FBLN1: variants seen among roughly 807,000 people sequenced by gnomAD.
The protein encoded by FBLN1 is fibulin-1.
Under a neutral mutation model 89.7 loss-of-function variants are expected in FBLN1, and 34 were observed. That is an observed-to-expected ratio of 0.38 (90% CI 0.29 to 0.50). The LOEUF (loss-of-function observed/expected upper bound fraction) is 0.50, where lower values mean the gene tolerates loss of function less well. FBLN1 is among the 20% of genes least tolerant of loss of function. The pLI is 0.92. For synonymous variants in FBLN1, 393 were observed against 391.3 expected, an observed-to-expected ratio of 1.00 and a Z score of -0.05; for missense variants, 777 against 988.1, an observed-to-expected ratio of 0.79 and a Z score of 2.86.
chr22:45,514,754 C>G (rs1427551718), intron 1 of FBLN1, among the ~76,000 whole-genome samples: 9 of 152,112 alleles, frequency 5.9e-5, no homozygotes. Context: ...TGGGCAGGTG[C>G]GACATGGACA....
At chr22:45,582,647 C>G (rs908009028) in intron 16 of FBLN1, among the ~76,000 whole-genome samples, 1 of 152,162 alleles carries the variant, frequency 6.6e-6, no homozygotes, top group African/African-American at 2.4e-5. Context: ...TAGGGAGGAT[C>G]TTTCTAGGCT....
At chr22:45,535,933 A>C (rs2088477771) in intron 8 of FBLN1, among the ~76,000 whole-genome samples, 1 of 152,226 alleles carries the variant, frequency 6.6e-6, no homozygotes, top group African/African-American at 2.4e-5. Context: ...CTGTAATCCT[A>C]GCACTTTGGG....
At chr22:45,569,993 A>G (rs182239074) in intron 14 of FBLN1, among the ~76,000 whole-genome samples, 1 of 152,336 alleles carries the variant, frequency 6.6e-6, no homozygotes, top group East Asian at 1.9e-4. Flanking sequence ...CTAATATTCT[A>G]TCTTGAAAGA....
At chr22:45,514,292 TAC>T (rs1180360344) in intron 1 of FBLN1, among the ~76,000 whole-genome samples, 2 of 152,202 alleles carry the variant, frequency 1.3e-5, no homozygotes, top group East Asian at 3.8e-4. Context: ...TTGTGTGGGC[TAC>T]ACACATCTTT....
At chr22:45,506,118 G>T (rs895010969) in intron 1 of FBLN1, among the ~76,000 whole-genome samples, 11 of 152,328 alleles carry the variant, frequency 7.2e-5, no homozygotes, top group African/African-American at 2.6e-4. Context: ...CCCTTCTCTA[G>T]GAAGTGTTGG....
At chr22:45,584,633 G>A (rs2089069338) in intron 16 of FBLN1, among the ~76,000 whole-genome samples, 1 of 152,196 alleles carries the variant, frequency 6.6e-6, no homozygotes. Flanking sequence ...ACTGAGGTGT[G>A]TGCCTGTTTT....
At position 45,574,041 on chromosome 22, in the gene FBLN1, G is replaced by T. The variant is rs116560530; in HGVS notation, c.1698-470G>T. On this transcript the variant is annotated intron_variant, in intron 14 of 16. Transcript: ENST00000327858. The surrounding 1 kb of genome is among the most constrained non-coding windows in gnomAD (Gnocchi z 4.1). ...CTGCCCTGTGCTGGGCACCGAGCTTGGCGCTTTCTATCTGCTCCTTCGTTT... is the reference window on the plus strand; with the variant it reads ...CTGCCCTGTGCTGGGCACCGAGCTTTGCGCTTTCTATCTGCTCCTTCGTTT... Among the ~76,000 whole-genome samples the T allele has an allele frequency of 4.5e-3, 692 of 152,266 alleles. 5 individuals are homozygous for T. Among genetic ancestry groups the T allele is most frequent in the African/African-American group, 0.016 (657 of 41,544 alleles).
chr22:45,524,970 G>T (rs754328940), intron 2 of FBLN1, among the ~76,000 whole-genome samples: 1 of 152,122 alleles, frequency 6.6e-6, no homozygotes, highest in Non-Finnish European at 1.5e-5. Flanking sequence ...TGTAGTCCCA[G>T]CTACTGGGGA....
chr22:45,564,265 T>C (rs1298592340), intron 14 of FBLN1, among the ~76,000 whole-genome samples: 1 of 152,216 alleles, frequency 6.6e-6, no homozygotes, highest in Non-Finnish European at 1.5e-5. Flanking sequence ...GCTCCCAGCG[T>C]CCATTCACCT....
chr22:45,510,494 G>A lies in FBLN1; in HGVS notation c.79+7430G>A, dbSNP rs534973580. ...ATCAGAAGCAGACTCCAGGCCTCCC[G>A]GTTCCCAGCCCCCAGTCTCCCCTCT... On this transcript the variant is annotated intron_variant, in intron 1 of 16. Transcript: ENST00000327858. Among the ~76,000 whole-genome samples, 548 of 152,114 alleles carry A rather than the reference G, an allele frequency of 3.6e-3. 1 individual carries two copies. The highest frequency in any genetic ancestry group is 5.9e-3 in the Non-Finnish European group (403 of 67,998).
chr22:45,543,284 A>T, intron 10 of FBLN1, 117 bp from the exon 11 acceptor site: 3 of 1,310,314 alleles, frequency 2.3e-6, no homozygotes, highest in Admixed American at 1.9e-5. Flanking sequence ...AGGAAAAAAA[A>T]GAAATGAGGC....
chr22:45,598,030 G>T (rs1052224040), intron 16 of FBLN1, among the ~76,000 whole-genome samples: 2 of 152,200 alleles, frequency 1.3e-5, no homozygotes, highest in African/African-American at 4.8e-5. Flanking sequence ...GCACCAAGAG[G>T]TGGAGATAGG....
At chr22:45,548,784 T>A in intron 13 of FBLN1, 40 bp downstream of exon 13, 1 of 1,609,472 alleles carries the variant, frequency 6.2e-7, no homozygotes, top group Non-Finnish European at 8.5e-7. Context: ...CACGCTCTGC[T>A]TGGGGCCCTG....
chr22:45,503,209 G>A, intron 1 of FBLN1, 145 bp downstream of exon 1: 1 of 248,700 alleles, frequency 4.0e-6, no homozygotes, highest in Non-Finnish European at 6.7e-6. Context: ...CGAGGCCTCG[G>A]CGACGCCCCC....
intron 1 of FBLN1, among the ~76,000 whole-genome samples, chr22:45,515,665 T>C (rs1336663334): frequency 6.6e-6 from 1 of 152,186 alleles, no homozygotes; most frequent in Non-Finnish European, 1.5e-5. Context: ...CCATTTCTTA[T>C]GAGCAGCGAT....
At chr22:45,593,026 GA>G (rs2089152443) in intron 16 of FBLN1, among the ~76,000 whole-genome samples, 1 of 152,148 alleles carries the variant, frequency 6.6e-6, no homozygotes, top group South Asian at 2.1e-4. Flanking sequence ...CTGCACTTTA[GA>G]AGGGAAGATG....
chr22:45,534,838 T>C (rs1392852271), intron 7 of FBLN1, among the ~76,000 whole-genome samples: 1 of 152,242 alleles, frequency 6.6e-6, no homozygotes, highest in Non-Finnish European at 1.5e-5. Context: ...TGGATATGTT[T>C]ATAGAGACTG....
At chr22:45,558,983 A>C (rs2088821529) in intron 14 of FBLN1, among the ~76,000 whole-genome samples, 1 of 152,258 alleles carries the variant, frequency 6.6e-6, no homozygotes, top group Admixed American at 6.5e-5. Flanking sequence ...TATCTTGCAG[A>C]AGCGAAATGC....
At position 45,557,543 on chromosome 22, in the gene FBLN1, G is replaced by A. The variant is rs1456624189; in HGVS notation, c.1697+6928G>A. ...GAGCCCATGTGTAACCTCCATCCCTGCCACCATGGCCACTTTGTTCATGGG... is the reference window on the plus strand; with the variant it reads ...GAGCCCATGTGTAACCTCCATCCCTACCACCATGGCCACTTTGTTCATGGG... On this transcript the variant is annotated intron_variant, in intron 14 of 16. Transcript: ENST00000327858. This position sits in a 1 kb window ranked among gnomAD's most constrained non-coding sequence, Gnocchi z 4.9. Among the ~76,000 whole-genome samples, 2 of 152,188 alleles carry A rather than the reference G, an allele frequency of 1.3e-5. No individual in the cohort carries two copies. The highest frequency in any genetic ancestry group is 2.9e-5 in the Non-Finnish European group (2 of 68,034).
Sources: gnomAD v4.1 joint callset for allele counts (sites outside exome capture counted in the v4.1 genomes callset) on GRCh38, gnomAD v4.1.1 for gene constraint, Gnocchi (gnomAD v3.1) non-coding constraint, MANE v1.5 for transcripts, NCBI Gene and HGNC (gene_info 2026-07-23, HGNC 2026-07-21) for gene names.